Variants in MCF2 observed in about 807,000 individuals in gnomAD.
MCF2 encodes the protein MCF.2 cell line derived transforming sequence.
A neutral mutation model predicts 82.5 loss-of-function variants in MCF2; 44 were observed. The ratio of observed to expected loss-of-function variants is 0.53; its 90% confidence interval spans 0.42 to 0.69. MCF2 has a LOEUF of 0.69. MCF2 is among the 30% of genes least tolerant of loss of function. MCF2 has a pLI of 0.00. For missense variants in MCF2, 623 were observed against 663.1 expected (o/e 0.94, Z 0.66); for synonymous variants, 217 against 224.9 (o/e 0.96, Z 0.32).
At chrX:139,584,638 T>C (rs1209411094) in intron 24 of MCF2, among the ~76,000 whole-genome samples, 1 of 111,962 alleles carries the variant, frequency 8.9e-6, no homozygotes, top group Non-Finnish European at 1.9e-5. Flanking sequence ...CTAAAATATA[T>C]CCCCCAGATG....
intron 1 of MCF2, among the ~76,000 whole-genome samples, chrX:139,637,003 A>G (rs1039886402): frequency 4.5e-5 from 5 of 111,802 alleles, no homozygotes; most frequent in African/African-American, 1.6e-4. Flanking sequence ...TTAGTAATTC[A>G]CTTGTCACAA....
At chrX:139,668,344 T>G (rs1329271724) in intron 1 of MCF2, among the ~76,000 whole-genome samples, 1 of 111,865 alleles carries the variant, frequency 8.9e-6, no homozygotes, top group Non-Finnish European at 1.9e-5. Context: ...AGTGTCTTGA[T>G]GTAGCCACTC....
At chrX:139,615,157 T>C (rs898273575) in intron 9 of MCF2, 105 bp from the exon 13 acceptor site, 7 of 590,212 alleles carry the variant, frequency 1.2e-5, no homozygotes, top group Non-Finnish European at 1.9e-5. Flanking sequence ...ATTTAGAGTT[T>C]AAAATATAAC....
intron 19 of MCF2, among the ~76,000 whole-genome samples, chrX:139,594,187 G>A (rs1300468903): frequency 1.8e-5 from 2 of 109,358 alleles, no homozygotes; most frequent in East Asian, 5.8e-4. Flanking sequence ...TCCCCATCAA[G>A]CTACCAATGA....
intron 24 of MCF2, among the ~76,000 whole-genome samples, chrX:139,583,151 T>C (rs1287282756): frequency 2.7e-5 from 3 of 111,840 alleles, no homozygotes; most frequent in Non-Finnish European, 3.8e-5. Flanking sequence ...AAAGTGGATA[T>C]GAGAATTCAC....
intron 2 of MCF2, among the ~76,000 whole-genome samples, chrX:139,632,059 A>G (rs781779823): frequency 2.7e-5 from 3 of 111,496 alleles, no homozygotes; most frequent in Non-Finnish European, 3.8e-5. Flanking sequence ...ACGCACATAC[A>G]TATACACACA....
chrX:139,700,431 G>T (rs1349852500), intron 1 of MCF2, among the ~76,000 whole-genome samples: 2 of 111,846 alleles, frequency 1.8e-5, no homozygotes, highest in African/African-American at 6.5e-5. Flanking sequence ...TATAATATTG[G>T]GAAGAAGAAG....
chrX:139,592,508 T>C (rs1287956461), intron 19 of MCF2, among the ~76,000 whole-genome samples: 1 of 112,116 alleles, frequency 8.9e-6, no homozygotes, highest in Admixed American at 9.5e-5. Flanking sequence ...CACCTCATGA[T>C]AAAATGTACA....
At chrX:139,680,738 T>C (rs1934978558) in intron 1 of MCF2, among the ~76,000 whole-genome samples, 1 of 112,431 alleles carries the variant, frequency 8.9e-6, no homozygotes, top group African/African-American at 3.2e-5. Context: ...GAACTCACAA[T>C]ATCCATGTAG....
intron 7 of MCF2, among the ~76,000 whole-genome samples, chrX:139,618,386 G>T (rs1384677052): frequency 1.8e-5 from 2 of 111,278 alleles, no homozygotes; most frequent in Non-Finnish European, 3.8e-5. Context: ...ATTTTATAAG[G>T]TGAAAAAGTT....
At chrX:139,689,829 C>T (rs927710042) in intron 1 of MCF2, among the ~76,000 whole-genome samples, 5 of 110,330 alleles carry the variant, frequency 4.5e-5, no homozygotes, top group African/African-American at 1.7e-4. Flanking sequence ...TCTGGTTGCC[C>T]CAGGGAAGAT....
At chrX:139,615,840 A>G (rs1331571503) in intron 9 of MCF2, among the ~76,000 whole-genome samples, 2 of 111,725 alleles carry the variant, frequency 1.8e-5, no homozygotes, top group Non-Finnish European at 3.8e-5. Context: ...AAGAAGACCC[A>G]AATCCTATCT....
intron 1 of MCF2, among the ~76,000 whole-genome samples, chrX:139,696,386 C>T (rs1935385097): frequency 9.5e-6 from 1 of 105,381 alleles, no homozygotes; most frequent in South Asian, 4.5e-4. Context: ...CCTCTCTTCT[C>T]ATCTCGTCTC....
chrX:139,628,179 G>A (rs1314096793), intron 4 of MCF2, among the ~76,000 whole-genome samples: 5 of 111,575 alleles, frequency 4.5e-5, no homozygotes, highest in African/African-American at 1.6e-4. Context: ...GCACTCATAC[G>A]TCATTGCAGC....
rs184972280 is a variant in MCF2, at chrX:139,633,211, G to A, written c.52-757C>T. On this transcript the variant is annotated intron_variant, in intron 1 of 24. Coordinates refer to ENST00000370576, the Ensembl canonical transcript of MCF2. Reference sequence around the variant, plus strand: ...TCTAGTTCACCAATGTTTCCCCAGCGTCTAGAACTTGCTGGCACATAGTAT... The same window carrying A: ...TCTAGTTCACCAATGTTTCCCCAGCATCTAGAACTTGCTGGCACATAGTAT... Among the ~76,000 whole-genome samples the A allele has an allele frequency of 3.0e-4, 33 of 111,328 alleles. No individual in the cohort carries two copies. The East Asian group carries it at 5.7e-3, about 19-fold the overall frequency.
chrX:139,667,196 CT>C (rs77565644), intron 1 of MCF2, among the ~76,000 whole-genome samples: 17,848 of 89,724 alleles, frequency 0.2, 1,344 homozygotes, highest in African/African-American at 0.25. Flanking sequence ...ATTTTGAATT[CT>C]TTTTTTTTTT....
At chrX:139,619,667 C>G (rs369857538) in exon 7 of MCF2, 16 of 1,183,205 alleles carry the variant, frequency 1.4e-5, no homozygotes, top group Non-Finnish European at 1.8e-5. Context: ...TCAGCCAGTT[C>G]TGCTTGTTGG....
chrX:139,649,465 C>G (rs1417165270), intron 2 of MCF2, among the ~76,000 whole-genome samples: 1 of 111,430 alleles, frequency 9.0e-6, no homozygotes, highest in Non-Finnish European at 1.9e-5. Flanking sequence ...TTAAATATAA[C>G]TACATACTTG....
At chrX:139,642,289 T>G (rs996681740) in intron 1 of MCF2, among the ~76,000 whole-genome samples, 4 of 111,792 alleles carry the variant, frequency 3.6e-5, no homozygotes, top group African/African-American at 1.3e-4. Context: ...TGCCTGAAAA[T>G]TACCCTATGT....
Sources: gnomAD v4.1 joint callset for allele counts (sites outside exome capture counted in the v4.1 genomes callset) on GRCh38, gnomAD v4.1.1 for gene constraint, MANE v1.5 for transcripts, NCBI Gene and HGNC (gene_info 2026-07-23, HGNC 2026-07-21) for gene names.